The following ATRX variants were observed in gnomAD, a reference collection of about 807,000 sequenced individuals.
ATRX encodes the protein chromatin remodeler ATRX.
Under a neutral mutation model 172.6 loss-of-function variants are expected in ATRX, and 12 were observed. The ratio of observed to expected loss-of-function variants is 0.07; its 90% CI spans 0.04 to 0.11. The LOEUF is 0.11. Ranked by LOEUF, ATRX falls within the 10% of genes least tolerant of loss-of-function variation. ATRX has a pLI of 1.00. For synonymous variants in ATRX, 674 were observed against 594.7 expected, an observed-to-expected ratio of 1.13 and a Z score of -1.94; for missense variants, 1,368 against 1,767.4, an observed-to-expected ratio of 0.77 and a Z score of 4.05.
Position 77,758,155 on chromosome X carries a change from G to A in ATRX, c.20+27827C>T, listed in dbSNP as rs1350787116. Among the ~76,000 whole-genome samples, 226 of 97,039 alleles carry A rather than the reference G, an allele frequency of 2.3e-3. No individual in the cohort carries two copies. In the Middle Eastern group the frequency reaches 0.053, roughly 23 times the overall value. The allele number at this position is 97,039 out of a possible 115,157, so 84.3% of individuals were successfully genotyped here. A position where few individuals can be genotyped will look rare whatever the true frequency, so the allele number is the denominator to read the frequency against. On this transcript the variant is annotated intron_variant, in intron 1 of 34. Transcript: ENST00000373344. ...TGTAATCCCAGCACTTTGGGAGGCCGAGGCGAGTGGATCACTTGAGGTCAG... is the reference window on the plus strand; with the variant it reads ...TGTAATCCCAGCACTTTGGGAGGCCAAGGCGAGTGGATCACTTGAGGTCAG...
chrX:77,563,383 C>T (rs782421890), intron 28 of ATRX, among the ~76,000 whole-genome samples: 2 of 112,299 alleles, frequency 1.8e-5, no homozygotes, highest in East Asian at 2.8e-4. Context: ...TTTGTCAAAA[C>T]CATTTTTAAC....
In ATRX at chrX:77,599,603, AC is replaced by A. The variant is rs201471387; in HGVS notation, c.5787-24del. On this transcript the variant is annotated intron_variant, in intron 24 of 34. Coordinates refer to ENST00000373344, the MANE Select transcript of ATRX (RefSeq NM_000489.6). ...TTTCTAAAAACAAACAAACAAACAA[AC>A]AAAAAAACACATTCAGATTGTTAGA... The A allele has an allele frequency of 1.2e-4, 144 of 1,202,537 alleles. No individual in the cohort carries two copies. The African/African-American group carries it at 2.3e-3, about 19-fold the overall frequency.
chrX:77,762,304 CAAAAAAAAA>C (rs782237740), intron 1 of ATRX, among the ~76,000 whole-genome samples: 2 of 23,412 alleles, frequency 8.5e-5, no homozygotes, highest in African/African-American at 1.6e-4. Context: ...GACTCTGTCT[CAAAAAAAAA>C]AAAAAAAAAA....
chrX:77,767,835 A>T (rs1435671284), intron 1 of ATRX, among the ~76,000 whole-genome samples: 5 of 111,967 alleles, frequency 4.5e-5, no homozygotes, highest in African/African-American at 1.6e-4. Context: ...TCACTTAAGG[A>T]TTCCCAACCC....
chrX:77,732,237 G>C (rs1208955563), intron 1 of ATRX, among the ~76,000 whole-genome samples: 1 of 111,384 alleles, frequency 9.0e-6, no homozygotes, highest in African/African-American at 3.3e-5. Flanking sequence ...TGCTGTGTCA[G>C]TGCCCCCACC....
At chrX:77,587,443 CAAACTAG>C (rs1391896599) in intron 27 of ATRX, among the ~76,000 whole-genome samples, 1 of 111,407 alleles carries the variant, frequency 9.0e-6, no homozygotes. Flanking sequence ...ACACATTTAA[CAAACTAG>C]AAAGAGAAGA....
At chrX:77,557,195 A>C (rs781955332) in intron 30 of ATRX, among the ~76,000 whole-genome samples, 2 of 112,168 alleles carry the variant, frequency 1.8e-5, no homozygotes, top group Non-Finnish European at 3.8e-5. Context: ...TATATTAGAA[A>C]ATATGCTAAT....
intron 34 of ATRX, among the ~76,000 whole-genome samples, chrX:77,513,123 C>T (rs1307619700): frequency 9.2e-6 from 1 of 108,792 alleles, no homozygotes; most frequent in African/African-American, 3.3e-5. Context: ...TGAGACCATC[C>T]TGGTTAACAC....
chrX:77,621,869 AAAAAAACTAATATTTTGT>A (rs2067602007), intron 19 of ATRX, among the ~76,000 whole-genome samples: 2 of 110,092 alleles, frequency 1.8e-5, no homozygotes, highest in African/African-American at 6.8e-5. Flanking sequence ...ACAACAACAA[AAAAAAACTAATATTTTGT>A]AAAACTAAAA....
intron 30 of ATRX, among the ~76,000 whole-genome samples, chrX:77,537,253 T>G (rs782726975): frequency 1.3e-4 from 14 of 111,451 alleles, no homozygotes; most frequent in Non-Finnish European, 2.3e-4. Context: ...AAGCATCTAC[T>G]TCATGGGATT....
At chrX:77,773,718 C>T (rs2076247731) in intron 1 of ATRX, among the ~76,000 whole-genome samples, 1 of 109,173 alleles carries the variant, frequency 9.2e-6, no homozygotes, top group African/African-American at 3.3e-5. Flanking sequence ...CACGTCTGCA[C>T]ACCAGCCTGG....
intron 6 of ATRX, among the ~76,000 whole-genome samples, chrX:77,691,489 A>C (rs2071884695): frequency 8.9e-6 from 1 of 111,953 alleles, no homozygotes; most frequent in African/African-American, 3.2e-5. Flanking sequence ...GTCATGTAAA[A>C]AAGTTAGGTG....
At chrX:77,724,502 G>T (rs782377955) in intron 1 of ATRX, among the ~76,000 whole-genome samples, 1 of 109,881 alleles carries the variant, frequency 9.1e-6, no homozygotes, top group South Asian at 3.9e-4. Context: ...AAACTGCTGG[G>T]ATTACAGGAG....
At chrX:77,765,253 G>A (rs1446435623) in intron 1 of ATRX, among the ~76,000 whole-genome samples, 1 of 111,659 alleles carries the variant, frequency 9.0e-6, no homozygotes, top group Non-Finnish European at 1.9e-5. Flanking sequence ...TTAGCCTCTG[G>A]GCTATACCAT....
At chrX:77,660,026 T>C (rs2069785309) in intron 12 of ATRX, among the ~76,000 whole-genome samples, 1 of 111,836 alleles carries the variant, frequency 8.9e-6, no homozygotes, top group Non-Finnish European at 1.9e-5. Flanking sequence ...ACTTGGGTAA[T>C]AAATTACCCA....
At chrX:77,639,109 G>A (rs1019478738) in intron 15 of ATRX, among the ~76,000 whole-genome samples, 7 of 111,837 alleles carry the variant, frequency 6.3e-5, no homozygotes, top group African/African-American at 9.7e-5. Flanking sequence ...CAGAATTACC[G>A]TCATCTGATA....
At chrX:77,592,926 A>C (rs1331029527) in intron 26 of ATRX, among the ~76,000 whole-genome samples, 2 of 110,660 alleles carry the variant, frequency 1.8e-5, no homozygotes, top group African/African-American at 6.6e-5. Context: ...AATAAATGAT[A>C]AAGAAAGAAT....
chrX:77,678,221 CAA>C (rs1313220025), intron 9 of ATRX, among the ~76,000 whole-genome samples: 19 of 52,610 alleles, frequency 3.6e-4, no homozygotes, highest in Non-Finnish European at 2.8e-4. Context: ...GACTTCAACT[CAA>C]AAAAAAAAAA....
At chrX:77,530,543 AG>A (rs2063540798) in intron 30 of ATRX, among the ~76,000 whole-genome samples, 1 of 111,578 alleles carries the variant, frequency 9.0e-6, no homozygotes. Context: ...CAGGAGGCGG[AG>A]GTTGGAGTGA....
Sources: allele counts gnomAD v4.1 joint callset (sites outside exome capture counted in the v4.1 genomes callset), GRCh38; gene constraint gnomAD v4.1.1; transcripts MANE v1.5; gene names NCBI Gene and HGNC (gene_info 2026-07-23, HGNC 2026-07-21).